ALK: variants seen among roughly 807,000 people sequenced by gnomAD.
The protein encoded by ALK is ALK receptor tyrosine kinase.
A neutral mutation model predicts 163.1 loss-of-function variants in ALK; 74 were observed. That is an observed-to-expected ratio of 0.45 (90% CI 0.38 to 0.55). The LOEUF (loss-of-function observed/expected upper bound fraction) is 0.55, where lower values mean the gene tolerates loss of function less well. ALK is among the 20% of genes least tolerant of loss of function. The pLI, the probability that ALK is intolerant of heterozygous loss-of-function variation, is 0.00. For synonymous variants in ALK, 960 were observed against 843.2 expected (o/e 1.14, Z -2.40); for missense variants, 2,063 against 2,105.3 (o/e 0.98, Z 0.39).
chr2:29,302,984 C>T (rs1344863762), intron 8 of ALK, among the ~76,000 whole-genome samples: 1 of 152,068 alleles, frequency 6.6e-6, no homozygotes, highest in Non-Finnish European at 1.5e-5. Context: ...ATGACTAAGA[C>T]CATAAAAGCA....
chr2:29,779,490 C>T (rs1681276383), intron 1 of ALK, among the ~76,000 whole-genome samples: 1 of 152,182 alleles, frequency 6.6e-6, no homozygotes, highest in African/African-American at 2.4e-5. Context: ...ATGGGGTCTC[C>T]TGAGTCCGAA....
At chr2:29,519,750 C>A (rs979731685) in intron 4 of ALK, among the ~76,000 whole-genome samples, 3 of 152,122 alleles carry the variant, frequency 2.0e-5, no homozygotes, top group African/African-American at 7.2e-5. Context: ...CAGGCCACTG[C>A]GAGAAAGGCT....
intron 11 of ALK, among the ~76,000 whole-genome samples, chr2:29,268,778 G>C (rs1436015031): frequency 1.3e-5 from 2 of 152,152 alleles, no homozygotes; most frequent in Non-Finnish European, 2.9e-5. Context: ...ACTTTGGATT[G>C]AGCCGGCTTG....
At chr2:29,591,366 C>T (rs777981228) in intron 3 of ALK, among the ~76,000 whole-genome samples, 2 of 152,108 alleles carry the variant, frequency 1.3e-5, no homozygotes, top group African/African-American at 2.4e-5. Flanking sequence ...ATCTTAAAGA[C>T]TACTTGGCTT....
intron 1 of ALK, among the ~76,000 whole-genome samples, chr2:29,727,393 G>T (rs997286442): frequency 2.6e-5 from 4 of 152,096 alleles, no homozygotes; most frequent in African/African-American, 9.7e-5. Context: ...CAGCACAAAG[G>T]CCCCTCACCA....
intron 3 of ALK, among the ~76,000 whole-genome samples, chr2:29,661,490 A>G (rs1677344418): frequency 6.6e-6 from 1 of 152,202 alleles, no homozygotes; most frequent in South Asian, 2.1e-4. Flanking sequence ...CAATGTTGAG[A>G]GGACACGTAA....
At chr2:29,303,906 G>T (rs1666435143) in intron 8 of ALK, among the ~76,000 whole-genome samples, 1 of 152,156 alleles carries the variant, frequency 6.6e-6, no homozygotes, top group South Asian at 2.1e-4. Context: ...GGGGGAAAAG[G>T]ACGAAAAACT....
intron 4 of ALK, among the ~76,000 whole-genome samples, chr2:29,495,848 A>G (rs1330565978): frequency 6.6e-6 from 1 of 152,204 alleles, no homozygotes. Context: ...AGTGTAATTA[A>G]TTATGCTGGC....
At chr2:29,492,250 T>C (rs1671919799) in intron 4 of ALK, among the ~76,000 whole-genome samples, 1 of 152,210 alleles carries the variant, frequency 6.6e-6, no homozygotes, top group South Asian at 2.1e-4. Flanking sequence ...CATTTATCTT[T>C]AGGCTGTGTC....
chr2:29,209,953 T>TATCTC, intron 24 of ALK, 75 bp from the exon 25 acceptor site: 4 of 1,186,278 alleles, frequency 3.4e-6, no homozygotes, highest in Non-Finnish European at 5.0e-6. Flanking sequence ...ACTAGGATTT[T>TATCTC]ATCTCCAAGC....
chr2:29,216,463 G>A (rs1235318820), intron 23 of ALK, among the ~76,000 whole-genome samples: 1 of 152,084 alleles, frequency 6.6e-6, no homozygotes, highest in Admixed American at 6.5e-5. Flanking sequence ...AGCGCTGTGG[G>A]GACTAAATCT....
At chr2:29,634,506 A>G (rs1328565484) in intron 3 of ALK, among the ~76,000 whole-genome samples, 1 of 152,214 alleles carries the variant, frequency 6.6e-6, no homozygotes, top group African/African-American at 2.4e-5. Flanking sequence ...TACCATATTG[A>G]CAAGCTAAAG....
At chr2:29,609,943 A>G (rs1675645262) in intron 3 of ALK, among the ~76,000 whole-genome samples, 1 of 152,182 alleles carries the variant, frequency 6.6e-6, no homozygotes, top group Non-Finnish European at 1.5e-5. Context: ...CACCTGGCCT[A>G]GATTTACTCT....
At chr2:29,708,803 T>C (rs1678987537) in intron 2 of ALK, among the ~76,000 whole-genome samples, 1 of 152,138 alleles carries the variant, frequency 6.6e-6, no homozygotes, top group South Asian at 2.1e-4. Context: ...TCTCTAGGCC[T>C]GTTTCCTCAT....
intron 1 of ALK, among the ~76,000 whole-genome samples, chr2:29,731,345 G>A (rs550471101): frequency 6.6e-6 from 1 of 152,324 alleles, no homozygotes; most frequent in African/African-American, 2.4e-5. Context: ...TGGCCAAGAT[G>A]GCTTGGCTTC....
chr2:29,423,448 T>G (rs1006570422), intron 4 of ALK, among the ~76,000 whole-genome samples: 2 of 152,212 alleles, frequency 1.3e-5, no homozygotes, highest in African/African-American at 4.8e-5. Flanking sequence ...AGCGAAGGCT[T>G]AGATCACGCC....
At chr2:29,430,770 G>A (rs1670253874) in intron 4 of ALK, among the ~76,000 whole-genome samples, 1 of 152,212 alleles carries the variant, frequency 6.6e-6, no homozygotes, top group South Asian at 2.1e-4. Context: ...AGAAATGAAT[G>A]GGGCAGGCAG....
chr2:29,326,181 G>T (rs1221735811), intron 6 of ALK, among the ~76,000 whole-genome samples: 3 of 152,116 alleles, frequency 2.0e-5, no homozygotes, highest in African/African-American at 7.2e-5. Flanking sequence ...CTTGCCCTCA[G>T]TGCCTGAAGT....
intron 1 of ALK, among the ~76,000 whole-genome samples, chr2:29,852,076 C>T (rs1256518068): frequency 1.3e-5 from 2 of 152,160 alleles, no homozygotes; most frequent in East Asian, 1.9e-4. Flanking sequence ...AAAAACTCAT[C>T]GATTTTTCTC....
Sources: allele counts gnomAD v4.1 joint callset (sites outside exome capture counted in the v4.1 genomes callset), GRCh38; gene constraint gnomAD v4.1.1; transcripts MANE v1.5; gene names NCBI Gene and HGNC (gene_info 2026-07-23, HGNC 2026-07-21).